Variants in CYB5A observed in about 807,000 individuals in gnomAD.
The protein encoded by CYB5A is cytochrome b5.
In CYB5A, 10 loss-of-function variants were observed where a neutral mutation model predicts 16.2. The ratio of observed to expected loss-of-function variants is 0.62; its 90% confidence interval spans 0.38 to 1.04. The LOEUF is 1.04. CYB5A is among the 50% of genes least tolerant of loss of function. The probability of loss-of-function intolerance (pLI) is 0.01; values close to 1 mark genes in which losing one functional copy is unlikely to be tolerated. For synonymous variants in CYB5A, 62 were observed against 57.0 expected (o/e 1.09, Z -0.40); for missense variants, 161 against 165.9 (o/e 0.97, Z 0.16).
chr18:74,278,254 C>G (rs1982958974), intron 1 of CYB5A, among the ~76,000 whole-genome samples: 1 of 152,188 alleles, frequency 6.6e-6, no homozygotes, highest in Admixed American at 6.5e-5. Context: ...AGAGGAGAGC[C>G]ACTTCGCTGA....
intron 1 of CYB5A, among the ~76,000 whole-genome samples, chr18:74,287,964 AT>A (rs1395741409): frequency 6.6e-6 from 1 of 152,218 alleles, no homozygotes; most frequent in African/African-American, 2.4e-5. Context: ...CAAAGACTCA[AT>A]TTCACAAATA....
intron 1 of CYB5A, among the ~76,000 whole-genome samples, chr18:74,264,695 T>A (rs187135350): frequency 6.6e-6 from 1 of 152,264 alleles, no homozygotes; most frequent in East Asian, 1.9e-4. Flanking sequence ...GGGGTTCAAC[T>A]CCACACTGGG....
intron 1 of CYB5A, among the ~76,000 whole-genome samples, chr18:74,273,206 A>G (rs1050157727): frequency 6.6e-6 from 1 of 152,226 alleles, no homozygotes; most frequent in African/African-American, 2.4e-5. Context: ...GAAGACAGTC[A>G]AGGGAAGAAG....
At chr18:74,282,345 C>A (rs1178214989) in intron 1 of CYB5A, among the ~76,000 whole-genome samples, 1 of 152,008 alleles carries the variant, frequency 6.6e-6, no homozygotes, top group East Asian at 1.9e-4. Flanking sequence ...AAGTTACTTT[C>A]TGGCACCGGA....
chr18:74,289,139 C>T (rs1025321889), intron 1 of CYB5A, among the ~76,000 whole-genome samples: 1 of 152,172 alleles, frequency 6.6e-6, no homozygotes, highest in Admixed American at 6.5e-5. Flanking sequence ...CAGCCACCCT[C>T]TTGTTCATTT....
chr18:74,271,058 A>G (rs1379150406), intron 1 of CYB5A, among the ~76,000 whole-genome samples: 2 of 152,212 alleles, frequency 1.3e-5, no homozygotes, highest in East Asian at 1.9e-4. Context: ...CCTCCAGTTC[A>G]TAGCACTCTA....
chr18:74,267,617 G>A (rs894116993), intron 1 of CYB5A, among the ~76,000 whole-genome samples: 46 of 152,290 alleles, frequency 3.0e-4, no homozygotes, highest in African/African-American at 1.1e-3. Flanking sequence ...GGGGTGGCCT[G>A]AAGAAAAGGC....
chr18:74,282,415 A>G (rs28489110), intron 1 of CYB5A, among the ~76,000 whole-genome samples: 2,421 of 151,272 alleles, frequency 0.016, 84 homozygotes, highest in African/African-American at 0.055. Context: ...AAAAAGGGGG[A>G]AAAAAATAAG....
intron 1 of CYB5A, among the ~76,000 whole-genome samples, chr18:74,282,795 G>A (rs902301340): frequency 6.6e-6 from 1 of 152,156 alleles, no homozygotes; most frequent in African/African-American, 2.4e-5. Flanking sequence ...GGGGGAGGTA[G>A]GTAAGGACCA....
intron 1 of CYB5A, among the ~76,000 whole-genome samples, chr18:74,282,928 T>G (rs1983174901): frequency 6.6e-6 from 1 of 152,214 alleles, no homozygotes; most frequent in Non-Finnish European, 1.5e-5. Context: ...CAAGTTTTTT[T>G]TGTGTGCTTC....
intron 4 of CYB5A, among the ~76,000 whole-genome samples, chr18:74,254,932 T>C (rs137937112): frequency 1.3e-5 from 2 of 152,374 alleles, no homozygotes; most frequent in East Asian, 3.9e-4. Flanking sequence ...GGTATACATA[T>C]GTGTTTCATA....
At chr18:74,291,582 C>T (rs990784224) in intron 1 of CYB5A, among the ~76,000 whole-genome samples, 165 bp downstream of exon 1, 10 of 150,256 alleles carry the variant, frequency 6.7e-5, no homozygotes, top group Non-Finnish European at 1.5e-4. Context: ...CGCAGGTGTG[C>T]GGACTCGGAA....
intron 1 of CYB5A, among the ~76,000 whole-genome samples, chr18:74,274,178 C>T (rs180834999): frequency 1.3e-5 from 2 of 152,308 alleles, no homozygotes; most frequent in Admixed American, 1.3e-4. Context: ...ATGTCACAGT[C>T]AGCTGTAAAA....
At chr18:74,256,645 G>C in intron 3 of CYB5A, 1 of 597,502 alleles carries the variant, frequency 1.7e-6, no homozygotes, top group Non-Finnish European at 3.0e-6. Flanking sequence ...TCAAACAGAA[G>C]TTGCCATAAA....
Position 74,253,427 on chromosome 18 carries a change from CT to C in CYB5A, c.*156del, listed in dbSNP as rs1404178678. On this transcript the variant is annotated 3_prime_UTR_variant, in exon 5 of 5. Coordinates refer to ENST00000340533, the MANE Select transcript of CYB5A (RefSeq NM_148923.4). ...AAATTTGAGCGCAGAAAGGACAGTT[CT>C]TTTTGTTTTGTTTCTAATGTCGGAA... 1 of 593,740 alleles carries C rather than the reference CT, an allele frequency of 1.7e-6. No homozygotes were observed. The highest frequency in any genetic ancestry group is 3.1e-6 in the Non-Finnish European group (1 of 325,966). The allele number at this position is 593,740 out of a possible 1,614,324, so 36.8% of individuals were successfully genotyped here.
chr18:74,267,119 T>C (rs1378181988), intron 1 of CYB5A, among the ~76,000 whole-genome samples: 2 of 152,204 alleles, frequency 1.3e-5, no homozygotes, highest in Non-Finnish European at 2.9e-5. Context: ...CTTCTCACTC[T>C]TGTTAGTAAA....
chr18:74,257,145 G>A (rs947697806), intron 3 of CYB5A: 22 of 424,278 alleles, frequency 5.2e-5, no homozygotes, highest in Non-Finnish European at 8.9e-5. Context: ...ACAGCCAACG[G>A]AAGGCAAACA....
intron 1 of CYB5A, 127 bp downstream of exon 1, chr18:74,291,620 A>C: frequency 7.1e-7 from 1 of 1,409,836 alleles, no homozygotes; most frequent in Non-Finnish European, 9.8e-7. Flanking sequence ...CGCGCAGGTG[A>C]GCGAACTCGG....
At chr18:74,256,801 C>A (rs1306974837) in intron 3 of CYB5A, 19 of 1,611,078 alleles carry the variant, frequency 1.2e-5, no homozygotes, top group Non-Finnish European at 1.6e-5. Context: ...CAGGGAAAAG[C>A]AAGCAAAGCA....
Sources: gnomAD v4.1 joint callset for allele counts (sites outside exome capture counted in the v4.1 genomes callset) on GRCh38, gnomAD v4.1.1 for gene constraint, MANE v1.5 for transcripts, NCBI Gene and HGNC (gene_info 2026-07-23, HGNC 2026-07-21) for gene names.